ADAMTS19: variants seen among roughly 807,000 people sequenced by gnomAD.
ADAMTS19 encodes the protein ADAM metallopeptidase with thrombospondin type 1 motif 19.
ADAMTS19 carries 93 observed loss-of-function variants against 153.3 expected under a neutral mutation model. The observed-to-expected ratio is 0.61, with a 90% CI of 0.51 to 0.72. The LOEUF (loss-of-function observed/expected upper bound fraction) is 0.72. ADAMTS19 is among the 30% of genes least tolerant of loss of function. ADAMTS19 has a pLI of 0.00. For missense variants in ADAMTS19, 1,482 were observed against 1,552.1 expected (o/e 0.95, Z 0.76); for synonymous variants, 600 against 556.6 (o/e 1.08, Z -1.10).
Position 129,648,932 on chromosome 5 carries a change from C to T in ADAMTS19, c.2138C>T (p.Pro713Leu). 1 of 1,612,312 alleles carries T rather than the reference C, an allele frequency of 6.2e-7. No individual in the cohort carries two copies. Among genetic ancestry groups the T allele is most frequent in the South Asian group, 1.1e-5 (1 of 90,768 alleles). ...GCTTATAGTGTTAGAACTTCCTCCCCAAAGCATATACTTCAGTGGCAAGCT... is the reference window on the plus strand; with the variant it reads ...GCTTATAGTGTTAGAACTTCCTCCCTAAAGCATATACTTCAGTGGCAAGCT... ...CQAYSVRTSSPKHILQWQAVL... is the reference protein window; with the variant it reads ...CQAYSVRTSSLKHILQWQAVL... Residue 713 changes from proline (P) to leucine (L), a missense_variant, in exon 13 of 23, where the codon CCA becomes CTA. Pro to Leu is a moderately conservative substitution (Grantham distance 98). Coordinates refer to ENST00000274487, the MANE Select transcript of ADAMTS19 (RefSeq NM_133638.6).
At chr5:129,571,025 T>C (rs1753885450) in intron 7 of ADAMTS19, among the ~76,000 whole-genome samples, 1 of 151,904 alleles carries the variant, frequency 6.6e-6, no homozygotes, top group South Asian at 2.1e-4. Flanking sequence ...AAGGCAAGGC[T>C]GTCCACTCCA....
Position 129,511,957 on chromosome 5 carries a change from G to C in ADAMTS19, c.913+2715G>C, listed in dbSNP as rs79473855. Among the ~76,000 whole-genome samples the C allele has an allele frequency of 6.2e-3, 941 of 151,990 alleles. 13 individuals are homozygous for C. The highest frequency in any genetic ancestry group is 0.022 in the African/African-American group (898 of 41,510). On this transcript the variant is annotated intron_variant, in intron 3 of 22. Transcript: ENST00000274487. ...GGGTCAAGAACATTTCAGGCAGAAG[G>C]AATAACACATGAAAAAGTATAAAGG...
At chr5:129,604,446 C>T (rs956490677) in intron 8 of ADAMTS19, among the ~76,000 whole-genome samples, 9 of 152,146 alleles carry the variant, frequency 5.9e-5, no homozygotes, top group Non-Finnish European at 7.3e-5. Context: ...CCACCTCCTT[C>T]GTAAATGCAC....
At chr5:129,646,818 A>G (rs1293415769) in intron 11 of ADAMTS19, among the ~76,000 whole-genome samples, 1 of 152,162 alleles carries the variant, frequency 6.6e-6, no homozygotes, top group Non-Finnish European at 1.5e-5. Context: ...TCATCGTTAT[A>G]CAATCACTAA....
rs144875245 is a variant in ADAMTS19 at position 129,639,000 on chromosome 5, C to T, written c.1771-2859C>T. Among the ~76,000 whole-genome samples, 6 of 152,226 alleles carry T rather than the reference C, an allele frequency of 3.9e-5. No homozygotes were observed. The East Asian group carries it at 1.2e-3, about 29-fold the overall frequency. On this transcript the variant is annotated intron_variant, in intron 10 of 22. Coordinates refer to ENST00000274487, the MANE Select transcript of ADAMTS19 (RefSeq NM_133638.6). The stretch of plus-strand genomic sequence containing the variant: ...GTACATATTATATTCTTTTAATAAA[C>T]TCTTTTTACTATAGAAGCATAACAA...
chr5:129,480,361 A>G (rs1342879148), intron 2 of ADAMTS19, among the ~76,000 whole-genome samples: 1 of 152,224 alleles, frequency 6.6e-6, no homozygotes, highest in African/African-American at 2.4e-5. Context: ...TTTAGGTAGG[A>G]TACAAAGCTA....
At chr5:129,630,394 G>C (rs1260353239) in intron 10 of ADAMTS19, among the ~76,000 whole-genome samples, 1 of 152,052 alleles carries the variant, frequency 6.6e-6, no homozygotes, top group African/African-American at 2.4e-5. Context: ...AGACAATGTG[G>C]TGTTGACGAA....
In ADAMTS19 at chr5:129,650,534, T is replaced by C. The variant is rs76492060; in HGVS notation, c.2176+1564T>C. ...CAGATTACCTCCTTATTTTCTGCTA[T>C]CAAGACACGTTAGCCTAACGTAGGA... On this transcript the variant is annotated intron_variant, in intron 13 of 22. Coordinates refer to ENST00000274487, the MANE Select transcript of ADAMTS19 (RefSeq NM_133638.6). Among the ~76,000 whole-genome samples the C allele has an allele frequency of 6.6e-5, 10 of 152,228 alleles. No homozygotes were observed. The East Asian group carries it at 1.9e-3, about 30-fold the overall frequency.
At chr5:129,687,515 G>A (rs767999369) in intron 18 of ADAMTS19, among the ~76,000 whole-genome samples, 5 of 152,094 alleles carry the variant, frequency 3.3e-5, no homozygotes, top group Non-Finnish European at 5.9e-5. Context: ...CCTAAAATAT[G>A]TTCTTCCAAT....
chr5:129,466,350 A>C (rs1749858471), intron 2 of ADAMTS19, among the ~76,000 whole-genome samples: 1 of 152,160 alleles, frequency 6.6e-6, no homozygotes, highest in African/African-American at 2.4e-5. Context: ...TAAGAGTCTC[A>C]AACTCTTGTT....
chr5:129,651,216 A>C (rs1309628025), intron 13 of ADAMTS19, among the ~76,000 whole-genome samples: 1 of 152,198 alleles, frequency 6.6e-6, no homozygotes, highest in Non-Finnish European at 1.5e-5. Context: ...TACGTCTTCA[A>C]CTAGATTTTC....
At chr5:129,639,801 A>G (rs1183978127) in intron 10 of ADAMTS19, among the ~76,000 whole-genome samples, 1 of 152,162 alleles carries the variant, frequency 6.6e-6, no homozygotes, top group African/African-American at 2.4e-5. Context: ...AAAAATCAAC[A>G]TTTGACCCCA....
At chr5:129,522,185 GA>G (rs1355509307) in intron 3 of ADAMTS19, among the ~76,000 whole-genome samples, 189 of 143,420 alleles carry the variant, frequency 1.3e-3, no homozygotes, top group African/African-American at 4.6e-3. Flanking sequence ...AGGTGATGTT[GA>G]AAAAAAATAT....
In ADAMTS19 at chr5:129,493,311, GC is replaced by G. The variant is rs150127134; in HGVS notation, c.748-15764del. Among the ~76,000 whole-genome samples the G allele has an allele frequency of 2.2e-3, 332 of 151,900 alleles. 1 individual carries two copies. Among genetic ancestry groups the G allele is most frequent in the African/African-American group, 7.4e-3 (307 of 41,382 alleles). ...AGAATTTACATTCTTTTAATTGCTG[GC>G]CAAGAATGATCATGATTCCACGCCC... On this transcript the variant is annotated intron_variant, in intron 2 of 22. Transcript: ENST00000274487.
At chr5:129,681,240 T>C (rs1296493906) in intron 17 of ADAMTS19, among the ~76,000 whole-genome samples, 2 of 152,214 alleles carry the variant, frequency 1.3e-5, no homozygotes, top group Admixed American at 6.5e-5. Flanking sequence ...CTGATTCATT[T>C]GATTTGGGGC....
chr5:129,565,776 A>G (rs1215002171), intron 7 of ADAMTS19, among the ~76,000 whole-genome samples: 1 of 152,170 alleles, frequency 6.6e-6, no homozygotes, highest in African/African-American at 2.4e-5. Flanking sequence ...AACATAGAGA[A>G]GCCTTAGTAT....
intron 2 of ADAMTS19, among the ~76,000 whole-genome samples, chr5:129,475,032 C>T (rs977479063): frequency 9.3e-5 from 14 of 151,096 alleles, no homozygotes; most frequent in Admixed American, 5.9e-4. Context: ...TCCAGTCTCT[C>T]GCTATCTATT....
intron 2 of ADAMTS19, among the ~76,000 whole-genome samples, chr5:129,465,383 A>ATT (rs61705720): frequency 0.021 from 2,873 of 135,940 alleles, 103 homozygotes; most frequent in African/African-American, 0.071. Context: ...TACCTGGCCT[A>ATT]TTTTTTTTTT....
At chr5:129,591,136 G>A (rs1414602172) in intron 7 of ADAMTS19, among the ~76,000 whole-genome samples, 1 of 152,002 alleles carries the variant, frequency 6.6e-6, no homozygotes, top group Admixed American at 6.6e-5. Context: ...GCTAACCCCT[G>A]CCCATTCAAT....
Sources: gnomAD v4.1 joint callset for allele counts (sites outside exome capture counted in the v4.1 genomes callset) on GRCh38, gnomAD v4.1.1 for gene constraint, MANE v1.5 for transcripts, NCBI Gene and HGNC (gene_info 2026-07-23, HGNC 2026-07-21) for gene names.